The following CSMD1 variants were observed in gnomAD, a reference collection of about 807,000 sequenced individuals.
CSMD1 encodes CUB and Sushi multiple domains 1.
In CSMD1, 213 loss-of-function variants were observed where a neutral mutation model predicts 417.5. The observed-to-expected ratio is 0.51, with a 90% CI of 0.46 to 0.57. The LOEUF (loss-of-function observed/expected upper bound fraction) is 0.57, where lower values mean the gene tolerates loss of function less well. Among genes scored for constraint, CSMD1 ranks in the 20% least tolerant of loss-of-function variants. The pLI, the probability that CSMD1 is intolerant of heterozygous loss-of-function variation, is 0.00. For missense variants in CSMD1, 6,923 were observed against 4,529.7 expected, an observed-to-expected ratio of 1.53 and a Z score of -15.17; for synonymous variants, 2,862 against 1,736.8, an observed-to-expected ratio of 1.65 and a Z score of -16.11.
At chr8:3,414,107 C>A (rs1407509557) in intron 12 of CSMD1, among the ~76,000 whole-genome samples, 1 of 148,288 alleles carries the variant, frequency 6.7e-6, no homozygotes, top group South Asian at 2.1e-4. Context: ...ACACTGCAGT[C>A]CAGCCTGTGT....
chr8:3,557,451 G>A (rs534844851), intron 10 of CSMD1, among the ~76,000 whole-genome samples: 1 of 152,302 alleles, frequency 6.6e-6, no homozygotes, highest in Non-Finnish European at 1.5e-5. Flanking sequence ...ATTCAAAGAG[G>A]TTTTAGACAT....
intron 1 of CSMD1, among the ~76,000 whole-genome samples, chr8:4,798,346 CT>C (rs1344704978): frequency 6.6e-6 from 1 of 152,024 alleles, no homozygotes; most frequent in Non-Finnish European, 1.5e-5. Context: ...TGAACTCATC[CT>C]TTTTTATGGC....
intron 39 of CSMD1, among the ~76,000 whole-genome samples, chr8:3,157,212 G>C (rs1819591042): frequency 6.6e-6 from 1 of 152,004 alleles, no homozygotes; most frequent in African/African-American, 2.4e-5. Flanking sequence ...AATAGGTGAT[G>C]GGTGAAGCTG....
At chr8:3,802,520 G>C (rs1800514806) in intron 5 of CSMD1, among the ~76,000 whole-genome samples, 1 of 152,122 alleles carries the variant, frequency 6.6e-6, no homozygotes, top group Non-Finnish European at 1.5e-5. Flanking sequence ...TCTAAGCTCA[G>C]TGGGAAATAC....
At chr8:4,370,478 G>T (rs914236633) in intron 3 of CSMD1, among the ~76,000 whole-genome samples, 1 of 152,082 alleles carries the variant, frequency 6.6e-6, no homozygotes, top group African/African-American at 2.4e-5. Flanking sequence ...CATTTGCATG[G>T]CAACTGTCCT....
chr8:4,414,412 T>A (rs111367542), intron 3 of CSMD1, among the ~76,000 whole-genome samples: 1 of 152,158 alleles, frequency 6.6e-6, no homozygotes, highest in Non-Finnish European at 1.5e-5. Flanking sequence ...CCATTTTCTT[T>A]CATAAAATAA....
intron 5 of CSMD1, among the ~76,000 whole-genome samples, chr8:3,829,153 A>C (rs913803882): frequency 2.0e-5 from 3 of 152,018 alleles, no homozygotes; most frequent in African/African-American, 7.2e-5. Flanking sequence ...ACTGCACTCT[A>C]TTTGTTGTCT....
At chr8:3,586,331 A>T in intron 8 of CSMD1, 71 bp from the exon 9 acceptor site, 2 of 1,263,806 alleles carry the variant, frequency 1.6e-6, no homozygotes, top group South Asian at 1.5e-5. Flanking sequence ...AAAAAAAAAA[A>T]TCAGCAAAAT....
chr8:3,794,121 C>G (rs1355427214), intron 5 of CSMD1, among the ~76,000 whole-genome samples: 2 of 152,078 alleles, frequency 1.3e-5, no homozygotes, highest in Non-Finnish European at 2.9e-5. Context: ...CACACCCTGC[C>G]TAATGAACCG....
At chr8:3,386,977 G>C (rs918276574) in intron 18 of CSMD1, among the ~76,000 whole-genome samples, 1 of 152,158 alleles carries the variant, frequency 6.6e-6, no homozygotes, top group African/African-American at 2.4e-5. Flanking sequence ...GAGAAGATTT[G>C]TGTAGGACAA....
At chr8:3,877,568 G>A (rs1263996273) in intron 5 of CSMD1, among the ~76,000 whole-genome samples, 1 of 152,140 alleles carries the variant, frequency 6.6e-6, no homozygotes, top group Admixed American at 6.6e-5. Flanking sequence ...AAAAAAATGA[G>A]CTCTTCAGGG....
At chr8:4,647,318 A>G (rs1393912896) in intron 1 of CSMD1, among the ~76,000 whole-genome samples, 7 of 147,440 alleles carry the variant, frequency 4.7e-5, no homozygotes, top group African/African-American at 1.8e-4. Context: ...ATAGGTATAC[A>G]TGTGCCACGG....
chr8:4,829,585 T>A (rs1800024705), intron 1 of CSMD1, among the ~76,000 whole-genome samples: 1 of 151,936 alleles, frequency 6.6e-6, no homozygotes, highest in African/African-American at 2.4e-5. Context: ...ATAGAAAATT[T>A]ACACAATTAG....
chr8:3,534,952 T>A (rs1470018535), intron 10 of CSMD1, among the ~76,000 whole-genome samples: 1 of 152,078 alleles, frequency 6.6e-6, no homozygotes, highest in Non-Finnish European at 1.5e-5. Context: ...TGTATTTACT[T>A]ATTTATTTAT....
chr8:3,179,932 C>G (rs922613139), intron 37 of CSMD1, among the ~76,000 whole-genome samples: 3 of 152,150 alleles, frequency 2.0e-5, no homozygotes, highest in African/African-American at 7.2e-5. Context: ...TGAAACAGCC[C>G]TGTGGTTTGT....
intron 3 of CSMD1, among the ~76,000 whole-genome samples, chr8:4,160,147 C>G (rs1160994834): frequency 2.0e-5 from 3 of 151,456 alleles, no homozygotes; most frequent in Admixed American, 6.6e-5. Flanking sequence ...CAAGTATTAA[C>G]TTTGAAAATT....
chr8:3,089,370 G>A (rs549706940), intron 48 of CSMD1, among the ~76,000 whole-genome samples: 1 of 152,368 alleles, frequency 6.6e-6, no homozygotes, highest in Admixed American at 6.5e-5. Flanking sequence ...AAAGGACATT[G>A]TTAATTCAGC....
intron 5 of CSMD1, among the ~76,000 whole-genome samples, chr8:3,932,955 T>G (rs1810255422): frequency 6.7e-6 from 1 of 150,332 alleles, no homozygotes; most frequent in African/African-American, 2.5e-5. Flanking sequence ...GTATGTGAAT[T>G]TTTAAATTTT....
At chr8:3,503,790 GC>G (rs1224513117) in intron 10 of CSMD1, among the ~76,000 whole-genome samples, 12 of 151,828 alleles carry the variant, frequency 7.9e-5, no homozygotes, top group South Asian at 2.1e-4. Context: ...CTAAAAAGCA[GC>G]CCCCCTCTTT....
Sources: gnomAD v4.1 joint callset for allele counts (sites outside exome capture counted in the v4.1 genomes callset) on GRCh38, gnomAD v4.1.1 for gene constraint, MANE v1.5 for transcripts, NCBI Gene and HGNC (gene_info 2026-07-23, HGNC 2026-07-21) for gene names.